MYEF2: variants seen among roughly 807,000 people sequenced by gnomAD.
The protein encoded by MYEF2 is myelin gene expression factor 2.
In MYEF2, 37 loss-of-function variants were observed where a neutral mutation model predicts 75.2. The ratio of observed to expected loss-of-function variants is 0.49; its 90% CI spans 0.38 to 0.65. The LOEUF is 0.65. Among genes scored for constraint, MYEF2 ranks in the 30% least tolerant of loss-of-function variants. The pLI, the probability that MYEF2 is intolerant of heterozygous loss-of-function variation, is 0.00. For synonymous variants in MYEF2, 195 were observed against 241.6 expected (o/e 0.81, Z 1.79); for missense variants, 634 against 771.4 (o/e 0.82, Z 2.11).
At chr15:48,157,446 T>C (rs2039744253) in intron 9 of MYEF2, 2 of 152,354 alleles carry the variant, frequency 1.3e-5, no homozygotes, top group African/African-American at 4.8e-5. Context: ...AAGGCATGTG[T>C]TACTCTGTGG....
Position 48,157,904 on chromosome 15 carries a change from A to G in MYEF2, c.985+89T>C, listed in dbSNP as rs2039764199. 6 of 1,566,792 alleles carry G rather than the reference A, an allele frequency of 3.8e-6. No homozygotes were observed. In the South Asian group the frequency reaches 7.2e-5, roughly 19 times the overall value. Reference sequence around the variant, plus strand: ...TAATCCCAAATTGTGAGAAACTAGGATGTAGGCACAAAAACAAAGTGTTGC... The same window carrying G: ...TAATCCCAAATTGTGAGAAACTAGGGTGTAGGCACAAAAACAAAGTGTTGC... On this transcript the variant is annotated intron_variant, in intron 9 of 16. Coordinates refer to ENST00000324324, the MANE Select transcript of MYEF2 (RefSeq NM_016132.5).
intron 7 of MYEF2, 23 bp downstream of exon 7, chr15:48,158,746 T>C (rs368905387): frequency 9.9e-6 from 16 of 1,612,676 alleles, no homozygotes; most frequent in African/African-American, 2.7e-5. Flanking sequence ...TCATAAACAA[T>C]GCTGAAATGT....
At chr15:48,145,785 T>C (rs2039259781) in intron 16 of MYEF2, among the ~76,000 whole-genome samples, 1 of 151,726 alleles carries the variant, frequency 6.6e-6, no homozygotes, top group South Asian at 2.1e-4. Flanking sequence ...ATAATAAGGA[T>C]ATAAGGGATA....
chr15:48,136,463 A>T lies in MYEF2; in HGVS notation c.*6445T>A, dbSNP rs901506270. 1.3e-4 allele frequency: 45 copies of T among 347,412 alleles called. No homozygotes were observed. The highest frequency in any genetic ancestry group is 8.3e-4 in the African/African-American group (38 of 45,858). 21.5% of individuals were successfully genotyped at this position (347,412 alleles called of 1,614,324 possible). A position where few individuals can be genotyped will look rare whatever the true frequency, so the allele number is the denominator to read the frequency against. On this transcript the variant is annotated 3_prime_UTR_variant, in exon 17 of 17. Transcript: ENST00000324324. ...AACGAGTTTGTTGATCTTGTTTTTA[A>T]AAAAAAAAAAACAACACAGAAGTGT...
intron 3 of MYEF2, 113 bp downstream of exon 3, chr15:48,167,236 A>AGTAAACAAATGAAACTT: frequency 9.6e-7 from 1 of 1,044,838 alleles, no homozygotes; most frequent in East Asian, 2.5e-5. Flanking sequence ...CTTGCATAAT[A>AGTAAACAAATGAAACTT]AAGTAAAACA....
chr15:48,160,776 CT>C (rs2039910550), intron 5 of MYEF2, among the ~76,000 whole-genome samples: 1 of 151,832 alleles, frequency 6.6e-6, no homozygotes, highest in Non-Finnish European at 1.5e-5. Context: ...TTAATAAATT[CT>C]CTAGGATGGC....
chr15:48,138,763 G>A lies in MYEF2; in HGVS notation c.*4145C>T, dbSNP rs758250199. The A allele has an allele frequency of 5.4e-5, 28 of 515,804 alleles. No homozygotes were observed. The highest frequency in any genetic ancestry group is 1.5e-4 in the African/African-American group (8 of 52,524). The allele number at this position is 515,804 out of a possible 1,614,324, so 32.0% of individuals were successfully genotyped here. On this transcript the variant is annotated 3_prime_UTR_variant, in exon 17 of 17. Transcript: ENST00000324324. ...TTTAAGGCCCCAAATAAAGAAATGC[G>A]GAGTATCACATCTTACATTGTCTGC...
intron 10 of MYEF2, 66 bp from the exon 11 acceptor site, chr15:48,152,350 T>C (rs762330054): frequency 2.2e-5 from 30 of 1,348,960 alleles, no homozygotes; most frequent in South Asian, 3.7e-5. Flanking sequence ...GATGATATAA[T>C]GCATTATAGC....
chr15:48,150,804 T>C (rs191998434), intron 14 of MYEF2, among the ~76,000 whole-genome samples: 49 of 152,174 alleles, frequency 3.2e-4, no homozygotes, highest in African/African-American at 1.2e-3. Context: ...CAAAAGTTGC[T>C]CCTGAAACAT....
In MYEF2 at chr15:48,151,532, T is replaced by A. The variant is rs1299369926; in HGVS notation, c.1247A>T (p.Asp416Val). ...RGAMTSSMER[D>V]FGRGDIGINR... ...TATTCCAATATCACCACGTCCAAAA[T>A]CTCGCTCCATGCTACTAGTCATCGC... The change falls in exon 13 of 17, where the codon GAT becomes GTT. Residue 416 changes from aspartate (D) to valine (V), a missense_variant. Asp to Val is a radical substitution (Grantham distance 152, BLOSUM62 -3). Coordinates refer to ENST00000324324, the MANE Select transcript of MYEF2 (RefSeq NM_016132.5). 6.2e-7 allele frequency: 1 copy of A among 1,612,714 alleles called. No individual in the cohort carries two copies. The highest frequency in any genetic ancestry group is 1.3e-5 in the African/African-American group (1 of 74,794).
In MYEF2 at chr15:48,149,498, T is replaced by A. The variant is rs2039414620; in HGVS notation, c.1379-127A>T. ...CATTTTTGAGAAAGAAGGGGGAAAT[T>A]AATTTGTTTATATAATTAAATAATA... On this transcript the variant is annotated intron_variant, in intron 14 of 16. Coordinates refer to ENST00000324324, the MANE Select transcript of MYEF2 (RefSeq NM_016132.5). This position sits in a 1 kb window ranked among gnomAD's most constrained non-coding sequence, Gnocchi z 4.0. 3.3e-6 allele frequency: 2 copies of A among 602,060 alleles called. No homozygotes were observed. Among genetic ancestry groups the A allele is most frequent in the Non-Finnish European group, 5.6e-6 (2 of 357,526 alleles). The allele number at this position is 602,060 out of a possible 1,614,324, so 37.3% of individuals were successfully genotyped here.
intron 9 of MYEF2, chr15:48,157,700 C>G: frequency 9.5e-7 from 1 of 1,047,650 alleles, no homozygotes; most frequent in Non-Finnish European, 1.2e-6. Flanking sequence ...AGGTTACCCA[C>G]AGATGGTGAA....
intron 10 of MYEF2, 136 bp from the exon 11 acceptor site, chr15:48,152,420 G>T: frequency 1.4e-6 from 1 of 715,402 alleles, no homozygotes; most frequent in Non-Finnish European, 2.4e-6. Flanking sequence ...GGGTACAGGA[G>T]GCATGGTTTA....
Position 48,141,310 on chromosome 15 carries a change from G to T in MYEF2, c.*1598C>A. 1.0e-6 allele frequency: 1 copy of T among 995,010 alleles called. No homozygotes were observed. Among genetic ancestry groups the T allele is most frequent in the Non-Finnish European group, 1.5e-6 (1 of 662,898 alleles). The allele number at this position is 995,010 out of a possible 1,614,324, so 61.6% of individuals were successfully genotyped here. A position where few individuals can be genotyped will look rare whatever the true frequency, so the allele number is the denominator to read the frequency against. On this transcript the variant is annotated 3_prime_UTR_variant, in exon 17 of 17. Transcript: ENST00000324324. The stretch of plus-strand genomic sequence containing the variant: ...ATGTTTACTTCCAGCCGGGTGTGGT[G>T]GCTCGCGCCTGTAATCCCAGGATTT...
chr15:48,150,917 T>C (rs2039468743), intron 14 of MYEF2, among the ~76,000 whole-genome samples, 183 bp downstream of exon 14: 1 of 152,054 alleles, frequency 6.6e-6, no homozygotes, highest in Admixed American at 6.6e-5. Context: ...AAACAGTTAA[T>C]TTAGAAATTT....
chr15:48,173,084 G>C (rs1296738879), intron 1 of MYEF2, among the ~76,000 whole-genome samples: 1 of 152,200 alleles, frequency 6.6e-6, no homozygotes, highest in Admixed American at 6.5e-5. Flanking sequence ...GATCACAGAT[G>C]TGAAAATTCT....
chr15:48,149,589 C>T lies in MYEF2; in HGVS notation c.1379-218G>A, dbSNP rs115398350. On this transcript the variant is annotated intron_variant, in intron 14 of 16. Coordinates refer to ENST00000324324, the MANE Select transcript of MYEF2 (RefSeq NM_016132.5). The surrounding 1 kb of genome is among the most constrained non-coding windows in gnomAD (Gnocchi z 4.0). ...AAAGAACAGAATTTGCTTACATATA[C>T]ATTTAGTTAGCTGAGAAATTCTAGC... 4.5e-3 allele frequency: 1,561 copies of T among 344,174 alleles called. 21 individuals are homozygous for T. Among genetic ancestry groups the T allele is most frequent in the African/African-American group, 0.032 (1,496 of 47,006 alleles). The allele number at this position is 344,174 out of a possible 1,614,324, so 21.3% of individuals were successfully genotyped here.
chr15:48,135,590 G>A lies in MYEF2; in HGVS notation c.*7318C>T, dbSNP rs2038875391. 1 of 152,178 alleles carries A rather than the reference G, an allele frequency of 6.6e-6. No homozygotes were observed. The highest frequency in any genetic ancestry group is 6.5e-5 in the Admixed American group (1 of 15,274). 9.4% of individuals were successfully genotyped at this position (152,178 alleles called of 1,614,324 possible). On this transcript the variant is annotated 3_prime_UTR_variant, in exon 17 of 17. Coordinates refer to ENST00000324324, the MANE Select transcript of MYEF2 (RefSeq NM_016132.5). ...AGATACTAACTTTTTCAACTAGTAA[G>A]CAGCAGGCACCTACTAGGTCCTTCT...
At position 48,139,235 on chromosome 15, in the gene MYEF2, A is replaced by T; in HGVS notation, c.*3673T>A. The stretch of plus-strand genomic sequence containing the variant: ...ATATTCATATAAGAACAAATTGCAT[A>T]TGTTCACTCAAAGTAGTCTAGCTAC... On this transcript the variant is annotated 3_prime_UTR_variant, in exon 17 of 17. Coordinates refer to ENST00000324324, the MANE Select transcript of MYEF2 (RefSeq NM_016132.5). 4 of 1,397,214 alleles carry T rather than the reference A, an allele frequency of 2.9e-6. No homozygotes were observed. Among genetic ancestry groups the T allele is most frequent in the Non-Finnish European group, 4.0e-6 (4 of 997,574 alleles). The allele number at this position is 1,397,214 out of a possible 1,614,324, so 86.6% of individuals were successfully genotyped here.
Sources: allele counts gnomAD v4.1 joint callset (sites outside exome capture counted in the v4.1 genomes callset), GRCh38; gene constraint gnomAD v4.1.1; non-coding constraint Gnocchi (gnomAD v3.1); transcripts MANE v1.5; gene names NCBI Gene and HGNC (gene_info 2026-07-23, HGNC 2026-07-21).